Variants in LHFPL2 observed in about 807,000 individuals in gnomAD.
LHFPL2 encodes the protein LHFPL tetraspan subfamily member 2 protein.
In LHFPL2, 7 loss-of-function variants were observed where a neutral mutation model predicts 17.5. That is an observed-to-expected ratio of 0.40 (90% CI 0.23 to 0.75). LHFPL2 has a LOEUF of 0.75. LHFPL2 is among the 30% of genes least tolerant of loss of function. The probability of loss-of-function intolerance (pLI) is 0.37; values close to 1 mark genes in which losing one functional copy is unlikely to be tolerated. For synonymous variants in LHFPL2, 134 were observed against 116.2 expected (o/e 1.15, Z -0.99); for missense variants, 241 against 294.8 (o/e 0.82, Z 1.34).
chr5:78,620,785 G>T (rs987188061), intron 2 of LHFPL2, among the ~76,000 whole-genome samples: 1 of 152,182 alleles, frequency 6.6e-6, no homozygotes, highest in African/African-American at 2.4e-5. Context: ...TGGGGCGCCC[G>T]CTCTAATGGA....
chr5:78,512,326 G>C (rs1011321112), intron 3 of LHFPL2, among the ~76,000 whole-genome samples: 1 of 151,226 alleles, frequency 6.6e-6, no homozygotes, highest in Admixed American at 6.6e-5. Flanking sequence ...AACTCAGCTG[G>C]TGTTTTTATA....
At position 78,554,589 on chromosome 5, in the gene LHFPL2, G is replaced by A. The variant is rs147148591; in HGVS notation, c.-186+10224C>T. On this transcript the variant is annotated intron_variant, in intron 3 of 4. Coordinates refer to ENST00000380345, the MANE Select transcript of LHFPL2 (RefSeq NM_005779.3). ...TTTTGGGGAACCCAACCTAAGAAAA[G>A]TACCAGACTAAAGCCACTTGATACA... Among the ~76,000 whole-genome samples, 472 of 152,330 alleles carry A rather than the reference G, an allele frequency of 3.1e-3. 1 individual carries two copies. The highest frequency in any genetic ancestry group is 8.4e-3 in the Admixed American group (129 of 15,300).
intron 3 of LHFPL2, among the ~76,000 whole-genome samples, chr5:78,527,515 A>G (rs1388359356): frequency 6.6e-6 from 1 of 152,004 alleles, no homozygotes; most frequent in Non-Finnish European, 1.5e-5. Context: ...TTTTAACTCA[A>G]AAGGATCAGA....
chr5:78,609,450 C>CAAAAAAAAAAAAAAAAAAAAAAAA (rs71613975), intron 2 of LHFPL2, among the ~76,000 whole-genome samples: 3 of 40,684 alleles, frequency 7.4e-5, no homozygotes, highest in African/African-American at 2.6e-4. Context: ...GACTCAGTCT[C>CAAAAAAAAAAAAAAAAAAAAAAAA]AAAAAAAAAA....
intron 3 of LHFPL2, among the ~76,000 whole-genome samples, chr5:78,545,963 T>C (rs147093673): frequency 3.9e-5 from 6 of 152,288 alleles, no homozygotes; most frequent in Admixed American, 2.6e-4. Context: ...GAAACTAAGA[T>C]ACAATCTGAG....
intron 2 of LHFPL2, among the ~76,000 whole-genome samples, chr5:78,607,358 C>T (rs1447673543): frequency 6.6e-6 from 1 of 152,192 alleles, no homozygotes; most frequent in Admixed American, 6.5e-5. Flanking sequence ...AGTGATCCAC[C>T]CCCTTCGGCC....
intron 1 of LHFPL2, among the ~76,000 whole-genome samples, chr5:78,640,686 C>A (rs1255264162): frequency 6.6e-6 from 1 of 152,106 alleles, no homozygotes; most frequent in African/African-American, 2.4e-5. Flanking sequence ...CACTCATAGC[C>A]CCATTAAGAT....
At chr5:78,644,018 T>G (rs1245685391) in intron 1 of LHFPL2, among the ~76,000 whole-genome samples, 1 of 152,166 alleles carries the variant, frequency 6.6e-6, no homozygotes, top group Non-Finnish European at 1.5e-5. Flanking sequence ...GCTGAGATCA[T>G]GCCATTGTAC....
chr5:78,510,140 A>G lies in LHFPL2; in HGVS notation c.74T>C (p.Leu25Pro). 6.2e-7 allele frequency: 1 copy of G among 1,612,980 alleles called. No individual in the cohort carries two copies. Among genetic ancestry groups the G allele is most frequent in the Non-Finnish European group, 8.5e-7 (1 of 1,179,320 alleles). Reference sequence around the variant, plus strand: ...CCAGTCTGCACTCATGAAGGCAATGAGCTCGGCAAAAGCCACCACAATACT... The same window carrying G: ...CCAGTCTGCACTCATGAAGGCAATGGGCTCGGCAAAAGCCACCACAATACT... ...LLSIVVAFAE[L>P]IAFMSADWLI... The change falls in exon 4 of 5, where the codon CTC (leucine) becomes CCC (proline). Residue 25 changes from leucine to proline, a missense_variant. Physicochemically the swap from Leu to Pro is moderately conservative, Grantham distance 98 (BLOSUM62 -3). Coordinates refer to ENST00000380345, the MANE Select transcript of LHFPL2 (RefSeq NM_005779.3).
intron 2 of LHFPL2, among the ~76,000 whole-genome samples, chr5:78,585,492 C>T (rs1743351160): frequency 1.3e-5 from 2 of 152,166 alleles, no homozygotes. Flanking sequence ...CACCCACTGA[C>T]CTGCGCCCAC....
chr5:78,572,730 A>G (rs932855113), intron 2 of LHFPL2, among the ~76,000 whole-genome samples: 1 of 152,122 alleles, frequency 6.6e-6, no homozygotes, highest in Non-Finnish European at 1.5e-5. Context: ...ACTATTTAAC[A>G]GATACGGAGT....
intron 3 of LHFPL2, among the ~76,000 whole-genome samples, chr5:78,553,610 CG>C (rs1649001912): frequency 6.6e-6 from 1 of 151,954 alleles, no homozygotes; most frequent in Non-Finnish European, 1.5e-5. Flanking sequence ...ACAAGGATTC[CG>C]CATTAATAAA....
chr5:78,492,611 G>C lies in LHFPL2; in HGVS notation c.431-3458C>G, dbSNP rs145382896. ...ATGGCTCAGGTGTGACTGCTGAGGG[G>C]CTTCAGGCCATCTTCAAATCTTGTG... On this transcript the variant is annotated intron_variant, in intron 4 of 4. Transcript: ENST00000380345. 2.2e-3 allele frequency among the ~76,000 whole-genome samples: 328 copies of C among 152,332 alleles called. 2 individuals are homozygous for C. The highest frequency in any genetic ancestry group is 7.1e-3 in the African/African-American group (295 of 41,568).
At chr5:78,565,191 G>C (rs1756827714) in intron 2 of LHFPL2, among the ~76,000 whole-genome samples, 1 of 152,214 alleles carries the variant, frequency 6.6e-6, no homozygotes, top group East Asian at 1.9e-4. Flanking sequence ...GTGTCCGGGA[G>C]GACACTTTAT....
rs73769040 is a variant in LHFPL2 at position 78,640,406 on chromosome 5, C to A, written c.-349-8038G>T. On this transcript the variant is annotated intron_variant, in intron 1 of 4. Coordinates refer to ENST00000380345, the MANE Select transcript of LHFPL2 (RefSeq NM_005779.3). ...GCCCCATTCTGGATTTGGGTTGCAA[C>A]CCCCAGTCCTAGTTACATTCCTGCA... Among the ~76,000 whole-genome samples the A allele has an allele frequency of 8.0e-3, 1,212 of 152,262 alleles. 11 individuals are homozygous for A. Among genetic ancestry groups the A allele is most frequent in the African/African-American group, 0.027 (1,136 of 41,544 alleles).
intron 3 of LHFPL2, among the ~76,000 whole-genome samples, chr5:78,543,279 C>T (rs1039637021): frequency 2.0e-5 from 3 of 152,228 alleles, no homozygotes; most frequent in African/African-American, 2.4e-5. Flanking sequence ...CTCTCTGCAA[C>T]AGAGACAGCC....
chr5:78,544,618 C>T (rs145475797), intron 3 of LHFPL2, among the ~76,000 whole-genome samples: 49 of 152,248 alleles, frequency 3.2e-4, no homozygotes, highest in African/African-American at 1.1e-3. Flanking sequence ...CTGATCTGTG[C>T]GGATGCAGTG....
intron 1 of LHFPL2, among the ~76,000 whole-genome samples, chr5:78,636,855 A>G (rs1459191898): frequency 1.3e-5 from 2 of 152,174 alleles, no homozygotes; most frequent in African/African-American, 4.8e-5. Context: ...TCCATCCAAG[A>G]TAAGAGCCTC....
chr5:78,535,243 T>C (rs1755911479), intron 3 of LHFPL2, among the ~76,000 whole-genome samples: 1 of 152,108 alleles, frequency 6.6e-6, no homozygotes, highest in African/African-American at 2.4e-5. Flanking sequence ...GAACTGGCAC[T>C]ACGCTGAGCG....
Sources: gnomAD v4.1 joint callset for allele counts (sites outside exome capture counted in the v4.1 genomes callset) on GRCh38, gnomAD v4.1.1 for gene constraint, MANE v1.5 for transcripts, NCBI Gene and HGNC (gene_info 2026-07-23, HGNC 2026-07-21) for gene names.